Variants in OR51B5 observed in about 807,000 individuals in gnomAD.
OR51B5 encodes the protein olfactory receptor 51B5.
For synonymous variants in OR51B5, 186 were observed against 144.8 expected (o/e 1.28, Z -2.04); for missense variants, 456 against 374.6 (o/e 1.22, Z -1.79).
chr11:5,486,864 G>A (rs927800005), intron 1 of OR51B5, among the ~76,000 whole-genome samples: 2 of 151,810 alleles, frequency 1.3e-5, no homozygotes, highest in Non-Finnish European at 2.9e-5. Flanking sequence ...ACAGTCCTAG[G>A]TGCTCTGTTA....
At chr11:5,476,280 G>T (rs533279365) in intron 1 of OR51B5, among the ~76,000 whole-genome samples, 1 of 152,270 alleles carries the variant, frequency 6.6e-6, no homozygotes, top group South Asian at 2.1e-4. Flanking sequence ...TTATGAAACA[G>T]ATTCATATTT....
chr11:5,356,050 ACT>A, intron 1 of OR51B5, among the ~76,000 whole-genome samples: 2 of 152,040 alleles, frequency 1.3e-5, no homozygotes, highest in East Asian at 1.9e-4. Flanking sequence ...AAAACTGGAA[ACT>A]CTAAAAATCA....
At chr11:5,422,445 C>T in intron 1 of OR51B5, 1 of 1,614,208 alleles carries the variant, frequency 6.2e-7, no homozygotes, top group Non-Finnish European at 8.5e-7. Context: ...ACCCTACCCA[C>T]AGTCATGCAG....
intron 1 of OR51B5, among the ~76,000 whole-genome samples, chr11:5,477,583 C>T (rs1851331105): frequency 6.6e-6 from 1 of 152,224 alleles, no homozygotes; most frequent in Admixed American, 6.5e-5. Context: ...GTGATTTCTG[C>T]ATTTCCATCT....
intron 1 of OR51B5, among the ~76,000 whole-genome samples, chr11:5,413,824 G>A (rs1315499411): frequency 6.6e-6 from 1 of 151,788 alleles, no homozygotes; most frequent in African/African-American, 2.4e-5. Flanking sequence ...ACCTGAAAGT[G>A]ACGGGGAGAA....
At chr11:5,488,669 A>G in intron 1 of OR51B5, 2 of 1,350,518 alleles carry the variant, frequency 1.5e-6, no homozygotes, top group Non-Finnish European at 2.1e-6. Flanking sequence ...CAAGCATAAC[A>G]ATACTATTCA....
chr11:5,390,275 C>G, intron 1 of OR51B5: 2 of 1,613,980 alleles, frequency 1.2e-6, no homozygotes, highest in South Asian at 2.2e-5. Flanking sequence ...CAATGTCTAC[C>G]TTTTTGTGCC....
intron 1 of OR51B5, among the ~76,000 whole-genome samples, chr11:5,452,002 G>C (rs113887867): frequency 0.027 from 4,042 of 152,220 alleles, 178 homozygotes; most frequent in African/African-American, 0.091. Flanking sequence ...AAGAAAAATG[G>C]TAAATAAATA....
chr11:5,399,115 A>G (rs182341626), intron 1 of OR51B5, among the ~76,000 whole-genome samples: 23 of 152,328 alleles, frequency 1.5e-4, no homozygotes, highest in African/African-American at 5.5e-4. Flanking sequence ...AAACAAAACA[A>G]AAACACCAGA....
Position 5,473,854 on chromosome 11 carries a change from A to AGTGTGTGT in OR51B5, n.84+31707_84+31714dup, listed in dbSNP as rs71053262. ...TTTAATTGTTTTAAATTACAAAATG[A>AGTGTGTGT]GTGTGTGTGTGTGTGTGTGTGTGTG... On this transcript the variant is annotated intron_variant and non_coding_transcript_variant, in intron 1 of 4. Transcript: ENST00000415970. Among the ~76,000 whole-genome samples, 574 of 150,130 alleles carry AGTGTGTGT rather than the reference A, an allele frequency of 3.8e-3. 3 individuals carry two copies. Among genetic ancestry groups the AGTGTGTGT allele is most frequent in the Middle Eastern group, 0.034 (10 of 292 alleles).
rs538354921 is a variant in OR51B5, at chr11:5,359,708, A to G, written n.85-12798T>C. Among the ~76,000 whole-genome samples, 5 of 150,960 alleles carry G rather than the reference A, an allele frequency of 3.3e-5. No homozygotes were observed. The South Asian group carries it at 1.1e-3, about 32-fold the overall frequency. On this transcript the variant is annotated intron_variant and non_coding_transcript_variant, in intron 1 of 4. Coordinates refer to the OR51B5 transcript ENST00000415970. ...CATGCCAATCCTAAGCCAAAAGAAC[A>G]AAGCTGGAGGCATCACGCTACCTGA...
At chr11:5,389,312 G>C in intron 1 of OR51B5, 1 of 1,263,098 alleles carries the variant, frequency 7.9e-7, no homozygotes, top group Non-Finnish European at 1.1e-6. Context: ...GATGACCATG[G>C]TACTGCTTGT....
chr11:5,383,835 A>G (rs1219296148), intron 1 of OR51B5: 1 of 152,050 alleles, frequency 6.6e-6, no homozygotes, highest in Non-Finnish European at 1.5e-5. Context: ...CCTCTCAGTG[A>G]CCCTTGTGTC....
At chr11:5,353,417 G>A (rs1397551755) in intron 1 of OR51B5, among the ~76,000 whole-genome samples, 3 of 152,156 alleles carry the variant, frequency 2.0e-5, no homozygotes, top group Non-Finnish European at 2.9e-5. Flanking sequence ...AGACTAGATA[G>A]GGGTGTCTGG....
chr11:5,504,153 AT>A (rs1846337143), intron 1 of OR51B5, among the ~76,000 whole-genome samples: 1 of 152,242 alleles, frequency 6.6e-6, no homozygotes, highest in African/African-American at 2.4e-5. Flanking sequence ...TAGAAAAAAA[AT>A]ATGGGCATGT....
At chr11:5,434,891 C>A (rs968953651) in intron 1 of OR51B5, among the ~76,000 whole-genome samples, 1 of 152,126 alleles carries the variant, frequency 6.6e-6, no homozygotes, top group Non-Finnish European at 1.5e-5. Context: ...CAGCAGCCAA[C>A]CTTCTGAAGC....
chr11:5,418,247 G>T (rs1358152780), intron 1 of OR51B5, among the ~76,000 whole-genome samples: 2 of 151,592 alleles, frequency 1.3e-5, no homozygotes, highest in African/African-American at 4.8e-5. Flanking sequence ...ACACTCTGGG[G>T]ACTGTTGTGG....
intron 1 of OR51B5, chr11:5,454,265 C>T (rs1316149107): frequency 6.2e-7 from 1 of 1,614,204 alleles, no homozygotes; most frequent in Admixed American, 1.7e-5. Flanking sequence ...TTGGGGTCTC[C>T]ACAGTGCACC....
chr11:5,493,686 G>A (rs921694828), intron 1 of OR51B5, among the ~76,000 whole-genome samples: 2 of 152,108 alleles, frequency 1.3e-5, no homozygotes, highest in Non-Finnish European at 2.9e-5. Flanking sequence ...GGAGCCCTAG[G>A]GTAAAGTCAT....
Sources: gnomAD v4.1 joint callset for allele counts (sites outside exome capture counted in the v4.1 genomes callset) on GRCh38, gnomAD v4.1.1 for gene constraint, MANE v1.5 for transcripts, NCBI Gene and HGNC (gene_info 2026-07-23, HGNC 2026-07-21) for gene names.